ZC3H14: variants seen among roughly 807,000 people sequenced by gnomAD.
ZC3H14 encodes zinc finger CCCH domain-containing protein 14.
Under a neutral mutation model 92.4 loss-of-function variants are expected in ZC3H14, and 31 were observed. That is an observed-to-expected ratio of 0.34 (90% CI 0.25 to 0.45). The LOEUF (loss-of-function observed/expected upper bound fraction) is 0.45. Ranked by LOEUF, ZC3H14 falls within the 20% of genes least tolerant of loss-of-function variation. ZC3H14 has a pLI of 1.00. For synonymous variants in ZC3H14, 321 were observed against 300.9 expected (o/e 1.07, Z -0.69); for missense variants, 781 against 897.3 (o/e 0.87, Z 1.66).
chr14:88,582,698 G>A (rs1402784183), intron 9 of ZC3H14, among the ~76,000 whole-genome samples: 1 of 152,130 alleles, frequency 6.6e-6, no homozygotes, highest in Non-Finnish European at 1.5e-5. Flanking sequence ...TCTATACTGT[G>A]TTTTAAAAGG....
At chr14:88,579,659 C>T (rs143799659) in intron 9 of ZC3H14, among the ~76,000 whole-genome samples, 70 of 152,212 alleles carry the variant, frequency 4.6e-4, no homozygotes, top group African/African-American at 1.6e-3. Flanking sequence ...TTTTTAACAT[C>T]ACAAAATCAA....
At chr14:88,576,598 T>G (rs2081188119) in intron 8 of ZC3H14, among the ~76,000 whole-genome samples, 1 of 152,208 alleles carries the variant, frequency 6.6e-6, no homozygotes, top group South Asian at 2.1e-4. Flanking sequence ...TTCTGTACTC[T>G]CTGGCCGACC....
intron 16 of ZC3H14, among the ~76,000 whole-genome samples, chr14:88,611,329 G>A (rs555958524): frequency 1.3e-5 from 2 of 152,156 alleles, no homozygotes; most frequent in African/African-American, 4.8e-5. Flanking sequence ...CTGAGCTGAA[G>A]CGATATCCTT....
At chr14:88,603,821 T>C (rs1595063385) in intron 12 of ZC3H14, among the ~76,000 whole-genome samples, 1 of 152,252 alleles carries the variant, frequency 6.6e-6, no homozygotes, top group Admixed American at 6.5e-5. Context: ...AGTAATCCTC[T>C]TCTTGGAAGA....
chr14:88,570,712 A>T (rs934886267), intron 3 of ZC3H14, among the ~76,000 whole-genome samples: 1 of 152,238 alleles, frequency 6.6e-6, no homozygotes, highest in Admixed American at 6.5e-5. Context: ...GAAAACAGTG[A>T]AGAAAAAAAT....
intron 11 of ZC3H14, 74 bp from the exon 12 acceptor site, chr14:88,602,754 G>T: frequency 6.7e-7 from 1 of 1,485,344 alleles, no homozygotes; most frequent in Non-Finnish European, 9.3e-7. Context: ...TAGTTCTGCT[G>T]AAGAGCACTT....
At position 88,618,621 on chromosome 14, in the gene ZC3H14, CACCTGGGTATACAGTATTGGTACTGT is replaced by C. The variant is rs1301737587; in HGVS notation, c.*6877_*6902del. The C allele has an allele frequency of 1.3e-6, 2 of 1,582,804 alleles. No homozygotes were observed. Among genetic ancestry groups the C allele is most frequent in the Non-Finnish European group, 1.7e-6 (2 of 1,166,538 alleles). ...GAAATGTAAAAGCAGAAGAACTTGC[CACCTGGGTATACAGTATTGGTACTGT>C]ACCTGGAGATAACTGCTATCTGCAG... On this transcript the variant is annotated 3_prime_UTR_variant, in exon 17 of 17. Transcript: ENST00000251038.
At chr14:88,583,830 T>C (rs765663800) in intron 9 of ZC3H14, among the ~76,000 whole-genome samples, 1 of 152,242 alleles carries the variant, frequency 6.6e-6, no homozygotes, top group Non-Finnish European at 1.5e-5. Context: ...AAAGCTCTAC[T>C]GTTAACATTA....
Position 88,578,050 on chromosome 14 carries a change from G to A in ZC3H14, c.1189G>A (p.Glu397Lys), listed in dbSNP as rs1432669281. 1.9e-6 allele frequency: 3 copies of A among 1,614,000 alleles called. No homozygotes were observed. The highest frequency in any genetic ancestry group is 2.5e-6 in the Non-Finnish European group (3 of 1,180,034). ...TRTSQEELLAEVVQGQSRTPR... is the reference protein window; with the variant it reads ...TRTSQEELLAKVVQGQSRTPR... ...AACTTCTCAAGAAGAATTGCTAGCA[G>A]AAGTGGTCCAGGGACAAAGTAGGAC... is the stretch of plus-strand genomic sequence containing the variant. Residue 397 changes from glutamate to lysine, a missense_variant, in exon 9 of 17, where the codon GAA (glutamate) becomes AAA (lysine). Transcript: ENST00000251038.
Position 88,616,968 on chromosome 14 carries a change from G to A in ZC3H14, c.*5217G>A. On this transcript the variant is annotated 3_prime_UTR_variant, in exon 17 of 17. Coordinates refer to ENST00000251038, the MANE Select transcript of ZC3H14 (RefSeq NM_024824.5). Reference sequence around the variant, plus strand: ...AAGTTTCTTGGCAATTAATCTCTAAGTACCCTATCATGTTACTTAAAATAC... The same window carrying A: ...AAGTTTCTTGGCAATTAATCTCTAAATACCCTATCATGTTACTTAAAATAC... 6 of 1,257,970 alleles carry A rather than the reference G, an allele frequency of 4.8e-6. No individual in the cohort carries two copies. The highest frequency in any genetic ancestry group is 2.0e-5 in the Admixed American group (1 of 50,898). 77.9% of individuals were successfully genotyped at this position (1,257,970 alleles called of 1,614,324 possible). A position where few individuals can be genotyped will look rare whatever the true frequency, so the allele number is the denominator to read the frequency against.
At chr14:88,597,184 T>C (rs1762104963) in intron 10 of ZC3H14, among the ~76,000 whole-genome samples, 1 of 152,100 alleles carries the variant, frequency 6.6e-6, no homozygotes, top group Non-Finnish European at 1.5e-5. Context: ...CTTATCCTCT[T>C]GTACTTCATT....
chr14:88,573,665 G>GAA (rs1292377244), intron 6 of ZC3H14: 2 of 152,088 alleles, frequency 1.3e-5, no homozygotes, highest in Non-Finnish European at 2.9e-5. Flanking sequence ...CTGGCCCTGT[G>GAA]ATCCACCCAC....
intron 9 of ZC3H14, among the ~76,000 whole-genome samples, chr14:88,587,152 T>G (rs1406677623): frequency 6.9e-6 from 1 of 144,338 alleles, no homozygotes; most frequent in African/African-American, 2.5e-5. Flanking sequence ...CTGAAAGATA[T>G]GTATCCTTCA....
At chr14:88,601,676 T>G (rs958606793) in intron 10 of ZC3H14, among the ~76,000 whole-genome samples, 3 of 152,212 alleles carry the variant, frequency 2.0e-5, no homozygotes, top group African/African-American at 7.2e-5. Flanking sequence ...AGAACCTTTC[T>G]CTGCTGTGGT....
In ZC3H14 at chr14:88,619,494, A is replaced by C. The variant is rs7146297; in HGVS notation, c.*7743A>C. 124,851 of 152,198 alleles carry C rather than the reference A, an allele frequency of 0.82. 52,065 individuals carry two copies. Among genetic ancestry groups the C allele is most frequent in the East Asian group, 0.91 (4,697 of 5,176 alleles). The allele number at this position is 152,198 out of a possible 1,614,324, so 9.4% of individuals were successfully genotyped here. A position where few individuals can be genotyped will look rare whatever the true frequency, so the allele number is the denominator to read the frequency against. On this transcript the variant is annotated 3_prime_UTR_variant, in exon 17 of 17. Coordinates refer to ENST00000251038, the MANE Select transcript of ZC3H14 (RefSeq NM_024824.5). The stretch of plus-strand genomic sequence containing the variant: ...TACTGGGATTACAGGTGTGAGCCAC[A>C]ACACCCAGTCAGAACATCTCAGCTT...
In ZC3H14 at chr14:88,622,434, C is replaced by G. The variant is rs1376742462; in HGVS notation, c.*10683C>G. On this transcript the variant is annotated 3_prime_UTR_variant, in exon 17 of 17. Transcript: ENST00000251038. ...ATAGCTTCCTAGCTTATGCACCACA[C>G]TGGTGCTAACTTTGGCAAAGAAAGC... The G allele has an allele frequency of 4.2e-6, 2 of 479,100 alleles. No homozygotes were observed. The highest frequency in any genetic ancestry group is 3.6e-6 in the Non-Finnish European group (1 of 278,674). 29.7% of individuals were successfully genotyped at this position (479,100 alleles called of 1,614,324 possible). A position where few individuals can be genotyped will look rare whatever the true frequency, so the allele number is the denominator to read the frequency against.
At position 88,572,037 on chromosome 14, in the gene ZC3H14, T is replaced by C. The variant is rs1225655747; in HGVS notation, c.243T>C (p.Ser81=). 2.5e-6 allele frequency: 4 copies of C among 1,613,424 alleles called. No individual in the cohort carries two copies. The highest frequency in any genetic ancestry group is 1.7e-5 in the Admixed American group (1 of 60,004). The change falls in exon 5 of 17, where the codon TCT becomes TCC. Residue 81 remains serine, a synonymous_variant. Transcript: ENST00000251038. ...DKLRSVTTEP[S]SLKSSDTNIF... The stretch of plus-strand genomic sequence containing the variant: ...CTGTATTTTTCTTTTCAGAACCCTC[T>C]AGTCTGAAGTCTTCTGATACCAACA...
intron 9 of ZC3H14, among the ~76,000 whole-genome samples, chr14:88,582,746 G>T (rs1389614816): frequency 6.6e-6 from 1 of 152,134 alleles, no homozygotes; most frequent in African/African-American, 2.4e-5. Context: ...TTGCTGATGA[G>T]GAGTTTGGTA....
In ZC3H14 at chr14:88,618,561, T is replaced by C. The variant is rs1453071966; in HGVS notation, c.*6810T>C. On this transcript the variant is annotated 3_prime_UTR_variant, in exon 17 of 17. Transcript: ENST00000251038. The stretch of plus-strand genomic sequence containing the variant: ...GGGAGGAGTTGAGAAGCTGGAGCTC[T>C]GGAGCTCAGGAACTTTAAATGCATT... 1.1e-5 allele frequency: 16 copies of C among 1,430,354 alleles called. No homozygotes were observed. The highest frequency in any genetic ancestry group is 1.4e-5 in the African/African-American group (1 of 70,300). 88.6% of individuals were successfully genotyped at this position (1,430,354 alleles called of 1,614,324 possible). A position where few individuals can be genotyped will look rare whatever the true frequency, so the allele number is the denominator to read the frequency against.
Sources: gnomAD v4.1 joint callset for allele counts (sites outside exome capture counted in the v4.1 genomes callset) on GRCh38, gnomAD v4.1.1 for gene constraint, MANE v1.5 for transcripts, NCBI Gene and HGNC (gene_info 2026-07-23, HGNC 2026-07-21) for gene names.